Variants in TMEM232 observed in about 807,000 individuals in gnomAD.
TMEM232 encodes transmembrane protein 232.
A neutral mutation model predicts 78.8 loss-of-function variants in TMEM232; 80 were observed. That is an observed-to-expected ratio of 1.01 (90% CI 0.85 to 1.22). TMEM232 has a LOEUF of 1.22. Ranked by LOEUF, TMEM232 falls within the 50% of genes most tolerant of loss-of-function variation. The probability of loss-of-function intolerance (pLI) is 0.00; values close to 1 mark genes in which losing one functional copy is unlikely to be tolerated. For missense variants in TMEM232, 881 were observed against 742.2 expected (o/e 1.19, Z -2.17); for synonymous variants, 297 against 254.3 (o/e 1.17, Z -1.60).
At chr5:110,735,600 T>TA (rs1401090721) in intron 1 of TMEM232, among the ~76,000 whole-genome samples, 1 of 152,156 alleles carries the variant, frequency 6.6e-6, no homozygotes, top group Non-Finnish European at 1.5e-5. Flanking sequence ...CTTTAAAAGA[T>TA]AGAGTCAAAT....
intron 12 of TMEM232, among the ~76,000 whole-genome samples, chr5:110,497,573 A>G (rs1011981563): frequency 2.6e-5 from 4 of 152,182 alleles, no homozygotes; most frequent in African/African-American, 9.6e-5. Context: ...ACAAAAATCC[A>G]TATTTTCAGC....
intron 12 of TMEM232, among the ~76,000 whole-genome samples, chr5:110,511,828 T>A (rs777354166): frequency 1.3e-5 from 2 of 152,214 alleles, no homozygotes; most frequent in African/African-American, 2.4e-5. Flanking sequence ...TTAATGCTTA[T>A]TGCGGTTCCT....
intron 2 of TMEM232, among the ~76,000 whole-genome samples, chr5:110,661,126 G>A (rs1789731086): frequency 6.6e-6 from 1 of 152,104 alleles, no homozygotes; most frequent in Non-Finnish European, 1.5e-5. Context: ...TTAACATAAT[G>A]TCTTCCAGTT....
intron 11 of TMEM232, among the ~76,000 whole-genome samples, chr5:110,543,969 C>A (rs1773474723): frequency 6.6e-6 from 1 of 152,096 alleles, no homozygotes; most frequent in Non-Finnish European, 1.5e-5. Context: ...TTTGTCTATA[C>A]TTCTTGAGAG....
At chr5:110,541,765 T>A (rs935513980) in intron 11 of TMEM232, among the ~76,000 whole-genome samples, 4 of 152,144 alleles carry the variant, frequency 2.6e-5, no homozygotes, top group African/African-American at 9.7e-5. Flanking sequence ...AGAAATGTTA[T>A]CTGAAGCCCT....
At chr5:110,527,876 A>G (rs1770828078) in intron 12 of TMEM232, among the ~76,000 whole-genome samples, 1 of 152,020 alleles carries the variant, frequency 6.6e-6, no homozygotes, top group South Asian at 2.1e-4. Flanking sequence ...AAAGTAAATA[A>G]AAGTTTCTGT....
At chr5:110,496,473 G>A (rs1308257340) in intron 12 of TMEM232, among the ~76,000 whole-genome samples, 1 of 151,862 alleles carries the variant, frequency 6.6e-6, no homozygotes, top group Non-Finnish European at 1.5e-5. Flanking sequence ...GGATGCCATC[G>A]TGTGGTATAA....
intron 12 of TMEM232, among the ~76,000 whole-genome samples, chr5:110,496,407 A>T (rs1580933687): frequency 6.6e-6 from 1 of 152,022 alleles, no homozygotes; most frequent in Non-Finnish European, 1.5e-5. Flanking sequence ...CGTAATTTTC[A>T]TATCTGTAAT....
chr5:110,521,288 T>G (rs1409844071), intron 12 of TMEM232, among the ~76,000 whole-genome samples: 1 of 152,238 alleles, frequency 6.6e-6, no homozygotes, highest in Non-Finnish European at 1.5e-5. Flanking sequence ...TATTCAAGTT[T>G]TTAACCTATT....
intron 8 of TMEM232, among the ~76,000 whole-genome samples, chr5:110,614,247 A>T (rs1461293173): frequency 1.3e-5 from 2 of 152,204 alleles, no homozygotes; most frequent in African/African-American, 4.8e-5. Flanking sequence ...ATTCAGTGAC[A>T]GGCTGTCTCA....
intron 12 of TMEM232, among the ~76,000 whole-genome samples, chr5:110,502,950 T>A (rs936210290): frequency 6.6e-6 from 1 of 152,218 alleles, no homozygotes; most frequent in African/African-American, 2.4e-5. Flanking sequence ...ATCATGGGAC[T>A]TAAAACAATC....
chr5:110,505,631 C>G (rs189551624), intron 12 of TMEM232, among the ~76,000 whole-genome samples: 1 of 152,084 alleles, frequency 6.6e-6, no homozygotes, highest in South Asian at 2.1e-4. Context: ...CTCAGCCTCC[C>G]GAGCAGCTGG....
At chr5:110,498,716 T>C (rs1179205835) in intron 12 of TMEM232, among the ~76,000 whole-genome samples, 3 of 152,282 alleles carry the variant, frequency 2.0e-5, no homozygotes, top group South Asian at 4.1e-4. Flanking sequence ...TACAAGTGTA[T>C]TGCTTTAGGT....
chr5:110,489,238 T>C (rs866714807), intron 12 of TMEM232, among the ~76,000 whole-genome samples: 2 of 151,652 alleles, frequency 1.3e-5, no homozygotes, highest in Admixed American at 6.6e-5. Context: ...GATCTATATA[T>C]ATTATAAATA....
At chr5:110,522,541 G>A (rs1188919832) in intron 12 of TMEM232, among the ~76,000 whole-genome samples, 1 of 152,134 alleles carries the variant, frequency 6.6e-6, no homozygotes, top group Non-Finnish European at 1.5e-5. Context: ...GATGTTAGCT[G>A]TGGACTTTAC....
chr5:110,684,798 GT>G (rs1460165736), intron 1 of TMEM232: 7 of 151,738 alleles, frequency 4.6e-5, no homozygotes, highest in African/African-American at 1.7e-4. Flanking sequence ...TTTTTTCTAT[GT>G]CCCCCCTATT....
chr5:110,479,978 T>C (rs1295129255), intron 12 of TMEM232, among the ~76,000 whole-genome samples: 1 of 151,474 alleles, frequency 6.6e-6, no homozygotes, highest in African/African-American at 2.4e-5. Flanking sequence ...TCATTTTTTT[T>C]CCTCCTGTAA....
chr5:110,620,574 CAT>C (rs1783505094), intron 7 of TMEM232, among the ~76,000 whole-genome samples: 1 of 119,192 alleles, frequency 8.4e-6, no homozygotes, highest in African/African-American at 3.4e-5. Context: ...GTATGTCTCT[CAT>C]ATCTCTCTCT....
rs146915487 is a variant in TMEM232, at chr5:110,640,259, A to G, written c.343+632T>C. Among the ~76,000 whole-genome samples the G allele has an allele frequency of 1.6e-3, 240 of 152,298 alleles. 1 individual carries two copies. Among genetic ancestry groups the G allele is most frequent in the African/African-American group, 5.6e-3 (234 of 41,578 alleles). ...CTCTTCCTGTTGCTTGAAAATTCCC[A>G]GATAGCACTACAAAACCTAATTTAC... is the stretch of plus-strand genomic sequence containing the variant. On this transcript the variant is annotated intron_variant, in intron 4 of 13. Coordinates refer to ENST00000455884, the MANE Select transcript of TMEM232 (RefSeq NM_001039763.4).
Sources: gnomAD v4.1 joint callset for allele counts (sites outside exome capture counted in the v4.1 genomes callset) on GRCh38, gnomAD v4.1.1 for gene constraint, MANE v1.5 for transcripts, NCBI Gene and HGNC (gene_info 2026-07-23, HGNC 2026-07-21) for gene names.